Variants in DNTT observed in about 807,000 individuals in gnomAD.
DNTT encodes DNA nucleotidylexotransferase.
Under a neutral mutation model 60.9 loss-of-function variants are expected in DNTT, and 47 were observed. That is an observed-to-expected ratio of 0.77 (90% CI 0.61 to 0.98). DNTT has a LOEUF of 0.98. DNTT is among the 50% of genes least tolerant of loss of function. The probability of loss-of-function intolerance (pLI) is 0.00; values close to 1 mark genes in which losing one functional copy is unlikely to be tolerated. For missense variants in DNTT, 665 were observed against 627.5 expected, an observed-to-expected ratio of 1.06 and a Z score of -0.64; for synonymous variants, 224 against 221.2, an observed-to-expected ratio of 1.01 and a Z score of -0.11.
At chr10:96,330,814 A>G (rs866618153) in intron 8 of DNTT, among the ~76,000 whole-genome samples, 1 of 152,048 alleles carries the variant, frequency 6.6e-6, no homozygotes, top group South Asian at 2.1e-4. Context: ...CTCCTGCATC[A>G]CTCTGGGGAC....
At chr10:96,328,322 A>T (rs1397326098) in intron 7 of DNTT, among the ~76,000 whole-genome samples, 2 of 152,222 alleles carry the variant, frequency 1.3e-5, no homozygotes, top group African/African-American at 4.8e-5. Context: ...GTAAGAGAAG[A>T]TCAAATCTAA....
chr10:96,329,386 C>T (rs1171092967), intron 8 of DNTT, among the ~76,000 whole-genome samples: 1 of 152,324 alleles, frequency 6.6e-6, no homozygotes, highest in Middle Eastern at 3.4e-3. Flanking sequence ...GTGGAGGAAA[C>T]CAAAGTAAGC....
intron 10 of DNTT, among the ~76,000 whole-genome samples, chr10:96,337,502 C>T (rs892191973): frequency 1.3e-5 from 2 of 152,216 alleles, no homozygotes; most frequent in Non-Finnish European, 2.9e-5. Context: ...TCACATAGTA[C>T]AATGAAGGAA....
Position 96,332,522 on chromosome 10 carries a change from G to C in DNTT, c.1285G>C (p.Ala429Pro). 1 of 1,614,202 alleles carries C rather than the reference G, an allele frequency of 6.2e-7. No homozygotes were observed. Among genetic ancestry groups the C allele is most frequent in the Non-Finnish European group, 8.5e-7 (1 of 1,180,000 alleles). ...CTGGCAGGAAGGAAAGACCTGGAAGGCCATCCGTGTGGATTTAGTTCTGTG... is the reference window on the plus strand; with the variant it reads ...CTGGCAGGAAGGAAAGACCTGGAAGCCCATCCGTGTGGATTTAGTTCTGTG... ...SSWQEGKTWK[A>P]IRVDLVLCPY... The change falls in exon 9 of 11, where the codon GCC (alanine) becomes CCC (proline). Residue 429 changes from alanine (A) to proline (P), a missense_variant. Coordinates refer to ENST00000371174, the MANE Select transcript of DNTT (RefSeq NM_004088.4).
chr10:96,338,085 C>G, intron 10 of DNTT, 53 bp from the exon 11 acceptor site: 1 of 1,520,376 alleles, frequency 6.6e-7, no homozygotes, highest in East Asian at 2.3e-5. Context: ...GTGTCCACAC[C>G]ATGGTGCTTA....
chr10:96,334,196 G>A (rs1845040806), intron 9 of DNTT, among the ~76,000 whole-genome samples: 1 of 152,188 alleles, frequency 6.6e-6, no homozygotes, highest in Admixed American at 6.5e-5. Flanking sequence ...CTCCTGCACT[G>A]CTTCTTACTG....
chr10:96,310,131 T>C (rs1219896966), intron 1 of DNTT, among the ~76,000 whole-genome samples: 1 of 152,122 alleles, frequency 6.6e-6, no homozygotes, highest in African/African-American at 2.4e-5. Flanking sequence ...CCAACCCCCC[T>C]ACTACCCCTC....
At chr10:96,330,198 G>T (rs1018292307) in intron 8 of DNTT, among the ~76,000 whole-genome samples, 2 of 151,990 alleles carry the variant, frequency 1.3e-5, no homozygotes, top group Non-Finnish European at 2.9e-5. Flanking sequence ...GGAGCATTAC[G>T]TTCAAGGATG....
chr10:96,314,878 C>G (rs577206159), intron 1 of DNTT, among the ~76,000 whole-genome samples: 9 of 152,094 alleles, frequency 5.9e-5, no homozygotes, highest in African/African-American at 2.4e-5. Context: ...GAGAAAACCA[C>G]TGTACCAGCA....
intron 9 of DNTT, among the ~76,000 whole-genome samples, chr10:96,333,225 A>G (rs980335485): frequency 3.3e-5 from 5 of 152,228 alleles, no homozygotes; most frequent in African/African-American, 1.2e-4. Context: ...CTTGCTTAAC[A>G]TCTCTAATCA....
intron 1 of DNTT, among the ~76,000 whole-genome samples, chr10:96,305,297 A>T (rs1187762303): frequency 2.0e-5 from 3 of 152,196 alleles, no homozygotes; most frequent in Non-Finnish European, 4.4e-5. Flanking sequence ...CTGTCCAGGG[A>T]TGACAGACAT....
chr10:96,335,514 T>C (rs1042213133), intron 9 of DNTT, among the ~76,000 whole-genome samples: 3 of 152,186 alleles, frequency 2.0e-5, no homozygotes, highest in Admixed American at 1.3e-4. Flanking sequence ...AATAACAATA[T>C]TCCAAATCAT....
intron 8 of DNTT, among the ~76,000 whole-genome samples, chr10:96,329,890 C>T (rs1844986150): frequency 6.6e-6 from 1 of 152,210 alleles, no homozygotes; most frequent in Non-Finnish European, 1.5e-5. Flanking sequence ...GCATCTCCCT[C>T]CTGCCCCACA....
At chr10:96,310,057 C>T (rs1458801833) in intron 1 of DNTT, among the ~76,000 whole-genome samples, 2 of 152,202 alleles carry the variant, frequency 1.3e-5, no homozygotes, top group Non-Finnish European at 2.9e-5. Flanking sequence ...ATTTACACCA[C>T]AAAAGTTTGC....
chr10:96,318,454 C>T lies in DNTT; in HGVS notation c.306C>T (p.Leu102=), dbSNP rs143503401. Reference sequence around the variant, plus strand: ...AAGTCAGCTCACAACCAGAGCTCCTCGATGTCTCCTGGCTGATCGAATGCA... The same window carrying T: ...AAGTCAGCTCACAACCAGAGCTCCTTGATGTCTCCTGGCTGATCGAATGCA... ...KVQVSSQPEL[L]DVSWLIECIR... is the part of the protein sequence containing the mutation. The change falls in exon 2 of 11, where the codon CTC becomes CTT. Residue 102 remains leucine, a synonymous_variant. Transcript: ENST00000371174. 1.8e-4 allele frequency: 284 copies of T among 1,613,900 alleles called. No individual in the cohort carries two copies. In the African/African-American group the frequency reaches 2.9e-3, roughly 17 times the overall value.
Position 96,324,416 on chromosome 10 carries a change from G to T in DNTT, c.874+27G>T, listed in dbSNP as rs777077958. On this transcript the variant is annotated intron_variant, in intron 6 of 10. Coordinates refer to ENST00000371174, the MANE Select transcript of DNTT (RefSeq NM_004088.4). ...TAAATTGTCTCTCCTAAAAGTCATT[G>T]TTGCTATGGGCTGGTCGGGTCGTGG... The T allele has an allele frequency of 4.3e-6, 7 of 1,612,942 alleles. No individual in the cohort carries two copies. The Admixed American group carries it at 1.2e-4, about 27-fold the overall frequency.
intron 1 of DNTT, among the ~76,000 whole-genome samples, chr10:96,308,638 C>T (rs1844671481): frequency 6.6e-6 from 1 of 152,196 alleles, no homozygotes. Context: ...ATTGTGTGAG[C>T]AACAAGGCTG....
chr10:96,310,194 C>T (rs940910482), intron 1 of DNTT, among the ~76,000 whole-genome samples: 2 of 152,214 alleles, frequency 1.3e-5, no homozygotes, highest in Admixed American at 6.5e-5. Context: ...AAGTCTCATG[C>T]CTTTTGTTCC....
chr10:96,321,807 A>G (rs979194067), intron 4 of DNTT, among the ~76,000 whole-genome samples: 4 of 152,134 alleles, frequency 2.6e-5, no homozygotes, highest in African/African-American at 7.2e-5. Flanking sequence ...TGCCCTGCTC[A>G]TGCCTGACTA....
Sources: allele counts gnomAD v4.1 joint callset (sites outside exome capture counted in the v4.1 genomes callset), GRCh38; gene constraint gnomAD v4.1.1; transcripts MANE v1.5; gene names NCBI Gene and HGNC (gene_info 2026-07-23, HGNC 2026-07-21).